MYO3A: variants seen among roughly 807,000 people sequenced by gnomAD.
MYO3A encodes the protein myosin IIIA.
In MYO3A, 180 loss-of-function variants were observed where a neutral mutation model predicts 192.7. The ratio of observed to expected loss-of-function variants is 0.93; its 90% CI spans 0.83 to 1.06. MYO3A has a LOEUF of 1.06. MYO3A is among the 50% of genes least tolerant of loss of function. The pLI is 0.00. For missense variants in MYO3A, 1,896 were observed against 1,905.0 expected (o/e 1.00, Z 0.09); for synonymous variants, 628 against 645.3 (o/e 0.97, Z 0.41).
intron 31 of MYO3A, among the ~76,000 whole-genome samples, chr10:26,177,154 T>G (rs1164282617): frequency 2.6e-5 from 4 of 152,158 alleles, no homozygotes; most frequent in African/African-American, 9.7e-5. Context: ...GGAGGCAGAT[T>G]TGATAAGAGA....
At chr10:26,204,437 A>C (rs573310586) in intron 34 of MYO3A, 230 of 152,336 alleles carry the variant, frequency 1.5e-3, no homozygotes, top group African/African-American at 5.2e-3. Flanking sequence ...AATACTCCTG[A>C]TGTAGATTAA....
At chr10:25,946,763 C>T (rs1028631355) in intron 2 of MYO3A, among the ~76,000 whole-genome samples, 11 of 150,978 alleles carry the variant, frequency 7.3e-5, no homozygotes, top group African/African-American at 2.7e-4. Context: ...CCTGTAATCC[C>T]GCTACACGGG....
chr10:26,003,862 T>G (rs1841009626), intron 6 of MYO3A, among the ~76,000 whole-genome samples: 1 of 152,094 alleles, frequency 6.6e-6, no homozygotes, highest in Non-Finnish European at 1.5e-5. Context: ...ACAGAATATT[T>G]TATGGTTTTA....
At chr10:26,115,764 CTAAACTTT>C (rs1374606697) in intron 17 of MYO3A, among the ~76,000 whole-genome samples, 5 of 152,140 alleles carry the variant, frequency 3.3e-5, no homozygotes, top group African/African-American at 1.2e-4. Flanking sequence ...TAAGTGCCTT[CTAAACTTT>C]CTAATAATTT....
chr10:26,173,093 A>C (rs1842131692), intron 29 of MYO3A, among the ~76,000 whole-genome samples: 1 of 151,806 alleles, frequency 6.6e-6, no homozygotes, highest in South Asian at 2.1e-4. Flanking sequence ...CTTATCTTCA[A>C]GTGAAGGGGA....
chr10:26,071,422 C>T (rs1835199888), intron 14 of MYO3A, among the ~76,000 whole-genome samples: 1 of 151,934 alleles, frequency 6.6e-6, no homozygotes, highest in African/African-American at 2.4e-5. Context: ...AAACCAAAAG[C>T]CATAAAATTT....
chr10:26,158,429 T>C (rs1841282233), intron 26 of MYO3A, among the ~76,000 whole-genome samples: 2 of 151,910 alleles, frequency 1.3e-5, no homozygotes, highest in South Asian at 4.2e-4. Flanking sequence ...ATTTTTTTTG[T>C]ATTTTTAGTA....
At position 26,016,845 on chromosome 10, in the gene MYO3A, C is replaced by A. The variant is rs138309167; in HGVS notation, c.534C>A (p.Thr178=). The A allele has an allele frequency of 9.3e-6, 15 of 1,614,146 alleles. No individual in the cohort carries two copies. In the African/African-American group the frequency reaches 1.3e-4, roughly 14 times the overall value. ...GTGTGTCTGCACAGCTCACCAGTACCCGGCACCGTCGGAACACATCCGTAG... is the reference window on the plus strand; with the variant it reads ...GTGTGTCTGCACAGCTCACCAGTACACGGCACCGTCGGAACACATCCGTAG... ...DFGVSAQLTS[T]RHRRNTSVGT... The change falls in exon 7 of 35, where the codon ACC becomes ACA. Residue 178 remains threonine (T), a synonymous_variant. Transcript: ENST00000642920.
At chr10:26,092,778 C>A (rs1836778029) in intron 15 of MYO3A, among the ~76,000 whole-genome samples, 1 of 152,314 alleles carries the variant, frequency 6.6e-6, no homozygotes, top group East Asian at 1.9e-4. Flanking sequence ...ACTTGCAAGA[C>A]CCCATGTCTG....
At position 26,070,201 on chromosome 10, in the gene MYO3A, T is replaced by A. The variant is rs780549725; in HGVS notation, c.1261T>A (p.Tyr421Asn). The change falls in exon 13 of 35, where the codon TAT (tyrosine) becomes AAT (asparagine). Residue 421 changes from tyrosine to asparagine, a missense_variant. Tyr to Asn is a moderately radical substitution (Grantham distance 143, BLOSUM62 -2). Coordinates refer to ENST00000642920, the MANE Select transcript of MYO3A (RefSeq NM_017433.5). ...ADLGYQSMIT[Y>N]NSDQCIVISG... is the part of the protein sequence containing the mutation. ...CTTAGGATATCAATCTATGATAACA[T>A]ATAATTCAGATCAGGTAAGAAGAGT... The A allele has an allele frequency of 6.2e-7, 1 of 1,609,416 alleles. No homozygotes were observed. Among genetic ancestry groups the A allele is most frequent in the African/African-American group, 1.3e-5 (1 of 74,942 alleles).
chr10:26,084,887 C>A (rs952808940), intron 14 of MYO3A, among the ~76,000 whole-genome samples: 4 of 152,330 alleles, frequency 2.6e-5, no homozygotes, highest in African/African-American at 9.6e-5. Flanking sequence ...TGTGAAGCCA[C>A]CTTATCCTAG....
chr10:25,992,435 A>G (rs1398485928), intron 4 of MYO3A, among the ~76,000 whole-genome samples: 1 of 152,226 alleles, frequency 6.6e-6, no homozygotes, highest in Non-Finnish European at 1.5e-5. Flanking sequence ...TTTTCTAAAT[A>G]TACAATCATG....
chr10:26,195,142 G>A (rs1252946478), intron 32 of MYO3A, among the ~76,000 whole-genome samples: 2 of 152,038 alleles, frequency 1.3e-5, no homozygotes, highest in African/African-American at 4.8e-5. Flanking sequence ...TTCTGTTTCT[G>A]TAGATTTGCC....
At chr10:26,067,215 C>G (rs1244161028) in intron 11 of MYO3A, 141 bp downstream of exon 11, 2 of 638,382 alleles carry the variant, frequency 3.1e-6, no homozygotes, top group Non-Finnish European at 5.6e-6. Context: ...GCCCATGTCT[C>G]CCATCTGTAA....
intron 10 of MYO3A, among the ~76,000 whole-genome samples, chr10:26,048,353 TTG>T (rs1491432886): frequency 9.9e-5 from 14 of 141,940 alleles, no homozygotes; most frequent in African/African-American, 4.2e-4. Flanking sequence ...TAAATACAGC[TTG>T]TTTTTTTTTT....
chr10:26,137,374 T>G lies in MYO3A; in HGVS notation c.2263-6074T>G, dbSNP rs569377354. 2.1e-3 allele frequency among the ~76,000 whole-genome samples: 321 copies of G among 152,336 alleles called. 1 individual carries two copies. The highest frequency in any genetic ancestry group is 7.4e-3 in the Admixed American group (113 of 15,306). On this transcript the variant is annotated intron_variant, in intron 20 of 34. Coordinates refer to ENST00000642920, the MANE Select transcript of MYO3A (RefSeq NM_017433.5). ...TTGTGAAGATTTCATAGACATTTACTAGTTCCCAAATAACACTTTCATAAT... is the reference window on the plus strand; with the variant it reads ...TTGTGAAGATTTCATAGACATTTACGAGTTCCCAAATAACACTTTCATAAT...
chr10:26,081,540 G>T (rs1173725376), intron 14 of MYO3A, among the ~76,000 whole-genome samples: 1 of 152,152 alleles, frequency 6.6e-6, no homozygotes, highest in Non-Finnish European at 1.5e-5. Flanking sequence ...TGTGGGGTCT[G>T]CACACCAGAT....
At chr10:25,995,632 T>C (rs1387487678) in intron 4 of MYO3A, among the ~76,000 whole-genome samples, 1 of 152,188 alleles carries the variant, frequency 6.6e-6, no homozygotes, top group Non-Finnish European at 1.5e-5. Context: ...ATCTTTGTGG[T>C]TTTATCTACC....
At chr10:26,063,596 A>G (rs1208329595) in intron 10 of MYO3A, among the ~76,000 whole-genome samples, 1 of 152,230 alleles carries the variant, frequency 6.6e-6, no homozygotes, top group Non-Finnish European at 1.5e-5. Flanking sequence ...TAAAGGGTAT[A>G]AGGCCAGCAC....
Sources: gnomAD v4.1 joint callset for allele counts (sites outside exome capture counted in the v4.1 genomes callset) on GRCh38, gnomAD v4.1.1 for gene constraint, MANE v1.5 for transcripts, NCBI Gene and HGNC (gene_info 2026-07-23, HGNC 2026-07-21) for gene names.